SORCS3: variants seen among roughly 807,000 people sequenced by gnomAD.
SORCS3 encodes sortilin related VPS10 domain containing receptor 3.
Under a neutral mutation model 146.3 loss-of-function variants are expected in SORCS3, and 57 were observed. The ratio of observed to expected loss-of-function variants is 0.39; its 90% CI spans 0.31 to 0.49. SORCS3 has a LOEUF of 0.49. Ranked by LOEUF, SORCS3 falls within the 20% of genes least tolerant of loss-of-function variation. The pLI is 0.92. For missense variants in SORCS3, 1,341 were observed against 1,575.5 expected (o/e 0.85, Z 2.52); for synonymous variants, 653 against 618.5 (o/e 1.06, Z -0.83).
chr10:105,036,961 A>C (rs2055310300), intron 4 of SORCS3, among the ~76,000 whole-genome samples: 1 of 152,156 alleles, frequency 6.6e-6, no homozygotes, highest in African/African-American at 2.4e-5. Context: ...CTATGAGGAA[A>C]GTTTATTTCA....
At chr10:104,993,347 C>A (rs1182462338) in intron 4 of SORCS3, among the ~76,000 whole-genome samples, 1 of 152,164 alleles carries the variant, frequency 6.6e-6, no homozygotes, top group Non-Finnish European at 1.5e-5. Context: ...CTCGTGCCTC[C>A]CTTGGCTGCT....
chr10:104,947,983 C>G (rs2019391020), intron 3 of SORCS3, among the ~76,000 whole-genome samples: 1 of 152,150 alleles, frequency 6.6e-6, no homozygotes, highest in Admixed American at 6.6e-5. Context: ...TGTCTGGATG[C>G]CAGCACTATT....
At chr10:104,690,766 C>T (rs141198350) in intron 1 of SORCS3, among the ~76,000 whole-genome samples, 109 of 152,218 alleles carry the variant, frequency 7.2e-4, no homozygotes, top group Middle Eastern at 6.8e-3. Context: ...CCTATGGATC[C>T]GTGATCCAAA....
chr10:104,702,309 AGT>A (rs1186751756), intron 1 of SORCS3, among the ~76,000 whole-genome samples: 1 of 152,148 alleles, frequency 6.6e-6, no homozygotes, highest in African/African-American at 2.4e-5. Flanking sequence ...TTTGAGACCT[AGT>A]CTCTCTTTGT....
chr10:104,702,130 G>A (rs928406125), intron 1 of SORCS3, among the ~76,000 whole-genome samples: 5 of 152,162 alleles, frequency 3.3e-5, no homozygotes, highest in Admixed American at 1.3e-4. Flanking sequence ...GCAGTAGTGT[G>A]CAGACTGCTG....
chr10:104,643,885 C>T, intron 1 of SORCS3, among the ~76,000 whole-genome samples: 1 of 152,022 alleles, frequency 6.6e-6, no homozygotes, highest in Non-Finnish European at 1.5e-5. Context: ...ATTCACCCTC[C>T]CTGAAGAGTT....
At chr10:105,133,233 G>A (rs2056034483) in intron 7 of SORCS3, among the ~76,000 whole-genome samples, 1 of 152,254 alleles carries the variant, frequency 6.6e-6, no homozygotes, top group Non-Finnish European at 1.5e-5. Flanking sequence ...GGCAGGAGTT[G>A]AGAGTTCTTC....
At chr10:104,742,740 G>C (rs1004273603) in intron 1 of SORCS3, among the ~76,000 whole-genome samples, 4 of 152,208 alleles carry the variant, frequency 2.6e-5, no homozygotes, top group Non-Finnish European at 5.9e-5. Context: ...ACCAGTCAAA[G>C]AGTAAGTGTA....
At chr10:104,728,951 C>T (rs1043871766) in intron 1 of SORCS3, among the ~76,000 whole-genome samples, 1 of 152,140 alleles carries the variant, frequency 6.6e-6, no homozygotes, top group African/African-American at 2.4e-5. Flanking sequence ...CATCCCAGGC[C>T]AGATGTCACA....
At chr10:104,858,477 A>T (rs2018359293) in intron 2 of SORCS3, among the ~76,000 whole-genome samples, 1 of 152,128 alleles carries the variant, frequency 6.6e-6, no homozygotes. Context: ...ACAGTTTTTC[A>T]TTCCTTAAAA....
chr10:105,166,799 G>A (rs1343971135), intron 12 of SORCS3, among the ~76,000 whole-genome samples: 7 of 152,106 alleles, frequency 4.6e-5, no homozygotes, highest in Admixed American at 4.6e-4. Flanking sequence ...GTAGGAAATT[G>A]TCTTTTAAGT....
In SORCS3 at chr10:105,200,234, T is replaced by C. The variant is rs907410949; in HGVS notation, c.2127+118T>C. ...AGGAAGGTAGTGGGTCATCTGAGGA[T>C]GTGGGTGTGGATTTGGAGAAAAGGG... On this transcript the variant is annotated intron_variant, in intron 15 of 26. Transcript: ENST00000369701. 2.3e-5 allele frequency: 17 copies of C among 746,392 alleles called. No homozygotes were observed. In the African/African-American group the frequency reaches 2.8e-4, roughly 12 times the overall value. The allele number at this position is 746,392 out of a possible 1,614,324, so 46.2% of individuals were successfully genotyped here. A position where few individuals can be genotyped will look rare whatever the true frequency, so the allele number is the denominator to read the frequency against.
intron 9 of SORCS3, 54 bp downstream of exon 9, chr10:105,147,850 T>C (rs2056143028): frequency 6.7e-7 from 1 of 1,494,536 alleles, no homozygotes. Context: ...TTCCTGAGTT[T>C]TAATGGTATA....
At chr10:104,669,010 C>T (rs981259106) in intron 1 of SORCS3, among the ~76,000 whole-genome samples, 1 of 152,180 alleles carries the variant, frequency 6.6e-6, no homozygotes, top group Non-Finnish European at 1.5e-5. Context: ...TGTTGATATG[C>T]ACATACACTT....
At position 105,157,245 on chromosome 10, in the gene SORCS3, G is replaced by A. The variant is rs150165918; in HGVS notation, c.1590G>A (p.Pro530=). ...KGRDWRLLQA[P]DVDLRGSPVH... ...GGGATTGGCGCCTGCTGCAAGCTCC[G>A]GATGTGGACCTGAGAGGAAGCCCAG... is the stretch of plus-strand genomic sequence containing the variant. Residue 530 remains proline, a synonymous_variant, in exon 10 of 27, where the codon CCG becomes CCA. Transcript: ENST00000369701. 0.014 allele frequency: 22,800 copies of A among 1,614,064 alleles called. 172 individuals carry two copies. Among genetic ancestry groups the A allele is most frequent in the Non-Finnish European group, 0.016 (18,788 of 1,179,948 alleles).
At chr10:105,222,590 A>T (rs2056710393) in intron 19 of SORCS3, among the ~76,000 whole-genome samples, 1 of 152,106 alleles carries the variant, frequency 6.6e-6, no homozygotes, top group South Asian at 2.1e-4. Context: ...ATTTAGGGAG[A>T]TATACTTTTC....
intron 2 of SORCS3, among the ~76,000 whole-genome samples, chr10:104,903,381 G>C (rs1049425226): frequency 8.5e-5 from 13 of 152,150 alleles, no homozygotes; most frequent in African/African-American, 3.1e-4. Flanking sequence ...GAGGACAAGA[G>C]ACTATGGAAA....
intron 3 of SORCS3, among the ~76,000 whole-genome samples, chr10:104,969,217 T>C (rs1222868566): frequency 1.3e-5 from 2 of 152,132 alleles, no homozygotes; most frequent in Non-Finnish European, 2.9e-5. Context: ...TCCTACTCTC[T>C]TAATGCTTGA....
intron 1 of SORCS3, among the ~76,000 whole-genome samples, chr10:104,692,506 G>A (rs2016126087): frequency 6.6e-6 from 1 of 152,176 alleles, no homozygotes; most frequent in African/African-American, 2.4e-5. Flanking sequence ...ATACTTCTCT[G>A]TTCTCCATGG....
Sources: gnomAD v4.1 joint callset for allele counts (sites outside exome capture counted in the v4.1 genomes callset) on GRCh38, gnomAD v4.1.1 for gene constraint, MANE v1.5 for transcripts, NCBI Gene and HGNC (gene_info 2026-07-23, HGNC 2026-07-21) for gene names.